The following RAPGEF5 variants were observed in gnomAD, a reference collection of about 807,000 sequenced individuals.
RAPGEF5 encodes the protein Rap guanine nucleotide exchange factor 5.
Under a neutral mutation model 125.2 loss-of-function variants are expected in RAPGEF5, and 65 were observed. That is an observed-to-expected ratio of 0.52 (90% CI 0.43 to 0.64). RAPGEF5 has a LOEUF of 0.64. RAPGEF5 is among the 30% of genes least tolerant of loss of function. RAPGEF5 has a pLI of 0.00. For missense variants in RAPGEF5, 958 were observed against 1,048.1 expected (o/e 0.91, Z 1.19); for synonymous variants, 391 against 385.9 (o/e 1.01, Z -0.16).
At position 22,138,124 on chromosome 7, in the gene RAPGEF5, T is replaced by C. The variant is rs892275812; in HGVS notation, c.2278-1141A>G. On this transcript the variant is annotated intron_variant, in intron 21 of 25. Transcript: ENST00000665637. ...GATATTTGCAACTGATTCCAATCTT[T>C]CTTTTAAGCTGCCTACCTTAGTCTG... Among the ~76,000 whole-genome samples, 27 of 152,094 alleles carry C rather than the reference T, an allele frequency of 1.8e-4. 1 individual carries two copies. The highest frequency in any genetic ancestry group is 7.4e-5 in the Non-Finnish European group (5 of 68,000).
rs182404760 is a variant in RAPGEF5 at position 22,332,225 on chromosome 7, G to C, written c.232-14188C>G. On this transcript the variant is annotated intron_variant, in intron 1 of 25. Transcript: ENST00000665637. ...CAAAACTAAAGCCTCCCGGTTGAAG[G>C]TTCTCTACCAGGGCACTCGAACTTT... Among the ~76,000 whole-genome samples, 378 of 152,280 alleles carry C rather than the reference G, an allele frequency of 2.5e-3. 2 individuals are homozygous for C. Among genetic ancestry groups the C allele is most frequent in the Non-Finnish European group, 4.5e-3 (306 of 68,028 alleles).
At chr7:22,249,609 A>G (rs992058221) in intron 7 of RAPGEF5, among the ~76,000 whole-genome samples, 3 of 152,224 alleles carry the variant, frequency 2.0e-5, no homozygotes, top group Admixed American at 1.3e-4. Flanking sequence ...AAGCTTGGTA[A>G]TAATTCTCCT....
intron 6 of RAPGEF5, among the ~76,000 whole-genome samples, chr7:22,269,904 G>C (rs1045787651): frequency 6.6e-6 from 1 of 152,174 alleles, no homozygotes; most frequent in African/African-American, 2.4e-5. Flanking sequence ...TGGGGGATCA[G>C]TCAGATTGGT....
chr7:22,150,399 G>C lies in RAPGEF5; in HGVS notation c.1884+8C>G. The C allele has an allele frequency of 1.2e-6, 2 of 1,603,178 alleles. No homozygotes were observed. The highest frequency in any genetic ancestry group is 8.5e-7 in the Non-Finnish European group (1 of 1,176,090). On this transcript the variant is annotated splice_region_variant and intron_variant, in intron 18 of 25. Transcript: ENST00000665637. ...GTTTGTTTCAAATACAAGGCTGAAG[G>C]TCCTTACCAAAGTGTCCGCCAGGTC...
At chr7:22,157,053 A>C (rs752857046) in intron 15 of RAPGEF5, among the ~76,000 whole-genome samples, 165 bp from the exon 16 acceptor site, 2 of 152,180 alleles carry the variant, frequency 1.3e-5, no homozygotes, top group Non-Finnish European at 2.9e-5. Context: ...CAACTAATGC[A>C]AGTGGTGGTG....
intron 7 of RAPGEF5, among the ~76,000 whole-genome samples, chr7:22,238,849 G>T (rs1391373453): frequency 6.6e-6 from 1 of 152,166 alleles, no homozygotes; most frequent in Non-Finnish European, 1.5e-5. Context: ...CAGATAGTTT[G>T]CACAGAATTA....
At chr7:22,313,677 A>G (rs1783524650) in intron 3 of RAPGEF5, among the ~76,000 whole-genome samples, 2 of 152,250 alleles carry the variant, frequency 1.3e-5, no homozygotes, top group African/African-American at 4.8e-5. Flanking sequence ...TAAAGGAGGA[A>G]AAAATGAGAA....
intron 9 of RAPGEF5, among the ~76,000 whole-genome samples, chr7:22,211,990 C>T (rs1392746529): frequency 1.6e-5 from 2 of 124,196 alleles, no homozygotes; most frequent in East Asian, 2.5e-4. Context: ...TTTTTTAGAC[C>T]GAGTCTCGCA....
chr7:22,279,948 T>G (rs921003964), intron 6 of RAPGEF5, among the ~76,000 whole-genome samples: 1 of 152,112 alleles, frequency 6.6e-6, no homozygotes, highest in Non-Finnish European at 1.5e-5. Flanking sequence ...TTCCAGGGTT[T>G]GACAGGACAA....
intron 7 of RAPGEF5, among the ~76,000 whole-genome samples, chr7:22,236,522 AC>A (rs1198980987): frequency 2.6e-5 from 4 of 152,158 alleles, no homozygotes; most frequent in Non-Finnish European, 5.9e-5. Context: ...AGTTTAGATC[AC>A]CACCAAGTAC....
chr7:22,221,687 T>C (rs1045436641), intron 8 of RAPGEF5, among the ~76,000 whole-genome samples: 4 of 152,188 alleles, frequency 2.6e-5, no homozygotes, highest in Non-Finnish European at 4.4e-5. Context: ...CCTGCCGCCA[T>C]GTAAGACATG....
chr7:22,250,323 AGAAACTCTCAAGT>A (rs747179685), intron 7 of RAPGEF5, among the ~76,000 whole-genome samples: 1 of 152,262 alleles, frequency 6.6e-6, no homozygotes, highest in Non-Finnish European at 1.5e-5. Context: ...TGTCTGATTT[AGAAACTCTCAAGT>A]GTTAAGTATT....
intron 11 of RAPGEF5, among the ~76,000 whole-genome samples, chr7:22,184,010 C>T (rs758384135): frequency 7.2e-5 from 11 of 152,124 alleles, no homozygotes; most frequent in Admixed American, 6.5e-5. Context: ...CCCTATAATA[C>T]TTTGGTTTGT....
chr7:22,231,566 G>T (rs1786058313), intron 7 of RAPGEF5, among the ~76,000 whole-genome samples: 1 of 152,112 alleles, frequency 6.6e-6, no homozygotes, highest in Non-Finnish European at 1.5e-5. Context: ...CCAGACTTTG[G>T]CTTATGTATT....
At position 22,125,650 on chromosome 7, in the gene RAPGEF5, G is replaced by A. The variant is rs763409889; in HGVS notation, c.2490C>T (p.Ile830=). Reference sequence around the variant, plus strand: ...GTCTCAGGGTTCGGACAGTGTCTGCGATCATATGCTGTAAAGTAGAACAGG... The same window carrying A: ...GTCTCAGGGTTCGGACAGTGTCTGCAATCATATGCTGTAAAGTAGAACAGG... ...NLVNFEKLHM[I]ADTVRTLRHC... Residue 830 remains isoleucine (I), a synonymous_variant, in exon 25 of 26, where the codon ATC becomes ATT. Coordinates refer to ENST00000665637, the MANE Select transcript of RAPGEF5 (RefSeq NM_012294.5). 5.2e-5 allele frequency: 83 copies of A among 1,610,718 alleles called. No homozygotes were observed. The highest frequency in any genetic ancestry group is 1.1e-5 in the South Asian group (1 of 91,014).
At chr7:22,356,263 G>A in intron 1 of RAPGEF5, 1 of 985,250 alleles carries the variant, frequency 1.0e-6, no homozygotes, top group Non-Finnish European at 1.2e-6. Context: ...TGCTCAAGAG[G>A]GTGTCCAGGA....
chr7:22,193,564 T>C (rs750503465), intron 10 of RAPGEF5, 109 bp from the exon 11 acceptor site: 4 of 1,551,598 alleles, frequency 2.6e-6, no homozygotes, highest in Non-Finnish European at 3.5e-6. Context: ...ATAAGGCACA[T>C]CGAAGGTAGG....
At chr7:22,230,029 T>C (rs1318830292) in intron 8 of RAPGEF5, among the ~76,000 whole-genome samples, 1 of 152,222 alleles carries the variant, frequency 6.6e-6, no homozygotes, top group Non-Finnish European at 1.5e-5. Context: ...AACAGACATT[T>C]ACCCATAGAA....
chr7:22,299,544 TTTGA>T (rs771954161), intron 5 of RAPGEF5, among the ~76,000 whole-genome samples: 18 of 152,332 alleles, frequency 1.2e-4, no homozygotes, highest in Middle Eastern at 3.4e-3. Context: ...AAAAAATGCC[TTTGA>T]TTTTTATCTA....
Sources: gnomAD v4.1 joint callset for allele counts (sites outside exome capture counted in the v4.1 genomes callset) on GRCh38, gnomAD v4.1.1 for gene constraint, MANE v1.5 for transcripts, NCBI Gene and HGNC (gene_info 2026-07-23, HGNC 2026-07-21) for gene names.